PCDH9: variants seen among roughly 807,000 people sequenced by gnomAD.
The protein encoded by PCDH9 is protocadherin-9.
In PCDH9, 24 loss-of-function variants were observed where a neutral mutation model predicts 70.6. That is an observed-to-expected ratio of 0.34 (90% CI 0.25 to 0.48). The LOEUF (loss-of-function observed/expected upper bound fraction) is 0.48, where lower values mean the gene tolerates loss of function less well. Among genes scored for constraint, PCDH9 ranks in the 20% least tolerant of loss-of-function variants. The pLI is 0.99. For synonymous variants in PCDH9, 562 were observed against 558.5 expected, an observed-to-expected ratio of 1.01 and a Z score of -0.09; for missense variants, 1,281 against 1,503.6, an observed-to-expected ratio of 0.85 and a Z score of 2.45.
chr13:67,024,901 G>A (rs993562893), intron 2 of PCDH9, among the ~76,000 whole-genome samples: 1 of 152,058 alleles, frequency 6.6e-6, no homozygotes, highest in Non-Finnish European at 1.5e-5. Flanking sequence ...AAGGAGTGAC[G>A]TTCTGAACTA....
intron 2 of PCDH9, chr13:67,224,340 G>T (rs1353059010): frequency 6.6e-6 from 1 of 152,106 alleles, no homozygotes; most frequent in Non-Finnish European, 1.5e-5. Flanking sequence ...AGGTATCTTT[G>T]GCTGTACTAC....
chr13:66,450,935 T>A (rs985022278), intron 4 of PCDH9, among the ~76,000 whole-genome samples: 1 of 152,080 alleles, frequency 6.6e-6, no homozygotes, highest in African/African-American at 2.4e-5. Context: ...GAGAATGGCG[T>A]GAACCCAGGA....
intron 3 of PCDH9, among the ~76,000 whole-genome samples, chr13:66,718,242 C>T (rs1418102306): frequency 5.3e-5 from 8 of 152,056 alleles, no homozygotes; most frequent in African/African-American, 1.7e-4. Flanking sequence ...TCCTGAGACC[C>T]GTTCAAACTG....
At chr13:66,755,326 A>T (rs77360659) in intron 3 of PCDH9, among the ~76,000 whole-genome samples, 3,362 of 152,258 alleles carry the variant, frequency 0.022, 134 homozygotes, top group African/African-American at 0.075. Context: ...AACACTCTTG[A>T]GAGTTAGGAC....
At chr13:66,753,963 T>C (rs2079500544) in intron 3 of PCDH9, among the ~76,000 whole-genome samples, 1 of 152,238 alleles carries the variant, frequency 6.6e-6, no homozygotes, top group Non-Finnish European at 1.5e-5. Flanking sequence ...GCATTGATTA[T>C]TAATGAAATT....
chr13:66,782,419 G>C (rs915115417), intron 3 of PCDH9, among the ~76,000 whole-genome samples: 1 of 151,992 alleles, frequency 6.6e-6, no homozygotes. Context: ...GTAATCTCTA[G>C]AACTAGGCGG....
At chr13:66,544,694 T>G (rs1416110311) in intron 4 of PCDH9, among the ~76,000 whole-genome samples, 5 of 152,114 alleles carry the variant, frequency 3.3e-5, no homozygotes, top group African/African-American at 1.2e-4. Context: ...TTTAGAACTT[T>G]CTATGAAAGG....
intron 2 of PCDH9, among the ~76,000 whole-genome samples, chr13:67,057,220 A>G (rs1196373111): frequency 1.3e-5 from 2 of 152,152 alleles, no homozygotes; most frequent in African/African-American, 2.4e-5. Flanking sequence ...TTCAATCTCC[A>G]GATTGAAATG....
At chr13:66,427,698 A>G (rs1331429027) in intron 4 of PCDH9, among the ~76,000 whole-genome samples, 1 of 151,714 alleles carries the variant, frequency 6.6e-6, no homozygotes, top group Admixed American at 6.6e-5. Flanking sequence ...GAGGCTCATC[A>G]ATAATTGAAA....
intron 2 of PCDH9, among the ~76,000 whole-genome samples, chr13:67,042,596 C>T (rs1207290566): frequency 6.6e-6 from 1 of 152,098 alleles, no homozygotes; most frequent in East Asian, 1.9e-4. Context: ...TCTTTTTTAA[C>T]AAGTTGAGTT....
chr13:66,575,727 C>T (rs758975392), intron 4 of PCDH9, among the ~76,000 whole-genome samples: 1 of 152,264 alleles, frequency 6.6e-6, no homozygotes, highest in Admixed American at 6.5e-5. Context: ...AGAACCATCT[C>T]CCTCCAACTA....
intron 3 of PCDH9, among the ~76,000 whole-genome samples, chr13:66,877,318 C>CTATTTCTAATTTA (rs1301338949): frequency 4.0e-5 from 6 of 149,582 alleles, no homozygotes; most frequent in Admixed American, 6.7e-5. Flanking sequence ...AATAATAAAG[C>CTATTTCTAATTTA]AAAATTTAAA....
chr13:67,083,951 C>T (rs1006031241), intron 2 of PCDH9, among the ~76,000 whole-genome samples: 10 of 152,250 alleles, frequency 6.6e-5, no homozygotes, highest in Admixed American at 6.5e-4. Context: ...CCATTTACCC[C>T]ACTAGTTTCT....
chr13:66,851,623 C>G (rs2081316814), intron 3 of PCDH9, among the ~76,000 whole-genome samples: 1 of 150,576 alleles, frequency 6.6e-6, no homozygotes, highest in South Asian at 2.1e-4. Context: ...TTTATTGACT[C>G]TGTGACCTTG....
At chr13:67,091,237 T>C (rs2086212006) in intron 2 of PCDH9, among the ~76,000 whole-genome samples, 1 of 152,152 alleles carries the variant, frequency 6.6e-6, no homozygotes, top group African/African-American at 2.4e-5. Flanking sequence ...ATGTTCTTTA[T>C]TTAAATGACT....
At chr13:67,067,592 A>T (rs1168494581) in intron 2 of PCDH9, among the ~76,000 whole-genome samples, 1 of 141,380 alleles carries the variant, frequency 7.1e-6, no homozygotes, top group Admixed American at 7.3e-5. Context: ...ATGTGATTTT[A>T]TTTTTTAAAT....
At chr13:66,530,082 A>G (rs1027059548) in intron 4 of PCDH9, among the ~76,000 whole-genome samples, 1 of 152,058 alleles carries the variant, frequency 6.6e-6, no homozygotes, top group Non-Finnish European at 1.5e-5. Context: ...GTGAATCACT[A>G]TTACTGGAGT....
chr13:67,032,918 G>A (rs1191576206), intron 2 of PCDH9, among the ~76,000 whole-genome samples: 2 of 152,060 alleles, frequency 1.3e-5, no homozygotes, highest in East Asian at 3.9e-4. Context: ...TGCAAAATCT[G>A]AGATACTGAT....
intron 2 of PCDH9, among the ~76,000 whole-genome samples, chr13:66,934,475 A>G (rs1002988038): frequency 6.8e-6 from 1 of 147,164 alleles, no homozygotes; most frequent in Non-Finnish European, 1.5e-5. Context: ...CGGGAGCCGG[A>G]GGTTGCAGTG....
Sources: gnomAD v4.1 joint callset for allele counts (sites outside exome capture counted in the v4.1 genomes callset) on GRCh38, gnomAD v4.1.1 for gene constraint, MANE v1.5 for transcripts, NCBI Gene and HGNC (gene_info 2026-07-23, HGNC 2026-07-21) for gene names.